ADAMTS19: variants seen among roughly 807,000 people sequenced by gnomAD.
ADAMTS19 encodes the protein A disintegrin and metalloproteinase with thrombospondin motifs 19.
Under a neutral mutation model 153.3 loss-of-function variants are expected in ADAMTS19, and 93 were observed. The ratio of observed to expected loss-of-function variants is 0.61; its 90% CI spans 0.51 to 0.72. ADAMTS19 has a LOEUF of 0.72. Among genes scored for constraint, ADAMTS19 ranks in the 30% least tolerant of loss-of-function variants. The probability of loss-of-function intolerance (pLI) is 0.00; values close to 1 mark genes in which losing one functional copy is unlikely to be tolerated. For synonymous variants in ADAMTS19, 600 were observed against 556.6 expected, an observed-to-expected ratio of 1.08 and a Z score of -1.10; for missense variants, 1,482 against 1,552.1, an observed-to-expected ratio of 0.95 and a Z score of 0.76.
At chr5:129,710,777 T>G (rs1436384820) in intron 21 of ADAMTS19, among the ~76,000 whole-genome samples, 1 of 152,158 alleles carries the variant, frequency 6.6e-6, no homozygotes, top group Non-Finnish European at 1.5e-5. Flanking sequence ...ACTCAGTGAG[T>G]CTTTGAAAGA....
intron 15 of ADAMTS19, among the ~76,000 whole-genome samples, chr5:129,660,228 G>A (rs568149838): frequency 4.7e-4 from 71 of 152,134 alleles, no homozygotes; most frequent in African/African-American, 1.7e-3. Flanking sequence ...CTTCAAAGTG[G>A]TAAAAAAGGT....
intron 7 of ADAMTS19, among the ~76,000 whole-genome samples, chr5:129,592,821 C>A (rs1750204096): frequency 6.6e-6 from 1 of 152,004 alleles, no homozygotes; most frequent in African/African-American, 2.4e-5. Context: ...GTTTATAAGA[C>A]TTTAATTTTC....
At chr5:129,581,355 T>A (rs1420280789) in intron 7 of ADAMTS19, among the ~76,000 whole-genome samples, 1 of 152,026 alleles carries the variant, frequency 6.6e-6, no homozygotes, top group African/African-American at 2.4e-5. Flanking sequence ...CAGGAATTTA[T>A]CTATTTCTTC....
In ADAMTS19 at chr5:129,738,174, C is replaced by T. The variant is rs906140051; in HGVS notation, c.*956C>T. 3.9e-5 allele frequency: 6 copies of T among 152,104 alleles called. No individual in the cohort carries two copies. The highest frequency in any genetic ancestry group is 2.1e-4 in the South Asian group (1 of 4,818). 9.4% of individuals were successfully genotyped at this position (152,104 alleles called of 1,614,324 possible). ...AAGGAAAAACAGAAAGCATATAATA[C>T]GGTGGTCGTTTCATTGTGTTTTTCT... On this transcript the variant is annotated 3_prime_UTR_variant, in exon 23 of 23. Coordinates refer to ENST00000274487, the MANE Select transcript of ADAMTS19 (RefSeq NM_133638.6).
At chr5:129,531,360 C>G (rs1454027094) in intron 6 of ADAMTS19, among the ~76,000 whole-genome samples, 1 of 152,138 alleles carries the variant, frequency 6.6e-6, no homozygotes, top group Non-Finnish European at 1.5e-5. Flanking sequence ...TGTGGTGGCT[C>G]ACACCTGTAA....
intron 3 of ADAMTS19, among the ~76,000 whole-genome samples, chr5:129,510,218 T>C (rs1235374328): frequency 6.6e-6 from 1 of 151,908 alleles, no homozygotes; most frequent in Non-Finnish European, 1.5e-5. Flanking sequence ...AGATTAGATA[T>C]GTGCATGGTG....
intron 3 of ADAMTS19, among the ~76,000 whole-genome samples, chr5:129,523,537 C>A (rs187346096): frequency 6.6e-5 from 10 of 152,254 alleles, no homozygotes; most frequent in Non-Finnish European, 8.8e-5. Context: ...GTAGAAAATT[C>A]TTAAACTTGA....
At chr5:129,696,914 T>C (rs1211270632) in intron 19 of ADAMTS19, among the ~76,000 whole-genome samples, 1 of 152,136 alleles carries the variant, frequency 6.6e-6, no homozygotes, top group African/African-American at 2.4e-5. Flanking sequence ...CAGATGGCAG[T>C]GTTTCCTCTT....
At chr5:129,504,496 A>G (rs1227786430) in intron 2 of ADAMTS19, among the ~76,000 whole-genome samples, 2 of 152,194 alleles carry the variant, frequency 1.3e-5, no homozygotes, top group South Asian at 2.1e-4. Flanking sequence ...TCACATACTT[A>G]TCAGTTTTTT....
chr5:129,645,975 G>A (rs1300829608), intron 11 of ADAMTS19, among the ~76,000 whole-genome samples: 1 of 136,236 alleles, frequency 7.3e-6, no homozygotes, highest in Non-Finnish European at 1.5e-5. Flanking sequence ...TGCAAGCTCC[G>A]CCTCCCGGGT....
At chr5:129,692,964 C>T (rs1755401295) in intron 18 of ADAMTS19, among the ~76,000 whole-genome samples, 1 of 152,026 alleles carries the variant, frequency 6.6e-6, no homozygotes, top group African/African-American at 2.4e-5. Context: ...CATCAGTACT[C>T]CAAGATTTCC....
chr5:129,608,539 T>C (rs1437577012), intron 8 of ADAMTS19, among the ~76,000 whole-genome samples: 1 of 152,130 alleles, frequency 6.6e-6, no homozygotes, highest in Non-Finnish European at 1.5e-5. Flanking sequence ...AATTTGGCAC[T>C]CATTTGCATT....
chr5:129,526,078 G>C (rs968153611), intron 3 of ADAMTS19, among the ~76,000 whole-genome samples: 7 of 152,040 alleles, frequency 4.6e-5, no homozygotes, highest in Non-Finnish European at 8.8e-5. Context: ...GGCTGACTGA[G>C]TGATGTTAGT....
intron 2 of ADAMTS19, among the ~76,000 whole-genome samples, chr5:129,464,987 G>A (rs59408117): frequency 2.2e-3 from 329 of 152,208 alleles, no homozygotes; most frequent in African/African-American, 7.6e-3. Flanking sequence ...AGAAGATGAA[G>A]CAGTCTCGAT....
intron 1 of ADAMTS19, among the ~76,000 whole-genome samples, chr5:129,460,849 A>G (rs1749622103): frequency 6.6e-6 from 1 of 152,030 alleles, no homozygotes; most frequent in Non-Finnish European, 1.5e-5. Context: ...TCTTTTCAAC[A>G]ATGAAGTGCG....
intron 7 of ADAMTS19, among the ~76,000 whole-genome samples, chr5:129,567,442 A>T (rs569014675): frequency 1.3e-5 from 2 of 152,196 alleles, no homozygotes; most frequent in Non-Finnish European, 2.9e-5. Flanking sequence ...TATAAAGATG[A>T]TCTAACAAGT....
chr5:129,607,876 C>A (rs866787994), intron 8 of ADAMTS19, among the ~76,000 whole-genome samples: 1 of 150,832 alleles, frequency 6.6e-6, no homozygotes, highest in Admixed American at 6.6e-5. Flanking sequence ...ATGAAAACAA[C>A]CTGCATCTGT....
At chr5:129,522,332 C>CACACATATAT (rs1309115957) in intron 3 of ADAMTS19, among the ~76,000 whole-genome samples, 151 of 58,588 alleles carry the variant, frequency 2.6e-3, no homozygotes, top group African/African-American at 9.6e-3. Context: ...CACACACACA[C>CACACATATAT]ATATATATAT....
chr5:129,716,667 AG>A, intron 21 of ADAMTS19, among the ~76,000 whole-genome samples: 1 of 151,122 alleles, frequency 6.6e-6, no homozygotes, highest in East Asian at 2.0e-4. Flanking sequence ...ATACACAAGT[AG>A]GGTTTTGCCT....
Sources: allele counts gnomAD v4.1 joint callset (sites outside exome capture counted in the v4.1 genomes callset), GRCh38; gene constraint gnomAD v4.1.1; transcripts MANE v1.5; gene names NCBI Gene and HGNC (gene_info 2026-07-23, HGNC 2026-07-21).